ANTXR2: variants seen among roughly 807,000 people sequenced by gnomAD.
ANTXR2 encodes the protein anthrax toxin receptor 2.
In ANTXR2, 44 loss-of-function variants were observed where a neutral mutation model predicts 73.7. The ratio of observed to expected loss-of-function variants is 0.60; its 90% CI spans 0.47 to 0.77. ANTXR2 has a LOEUF of 0.77. ANTXR2 is among the 30% of genes least tolerant of loss of function. ANTXR2 has a pLI of 0.00. For missense variants in ANTXR2, 604 were observed against 592.5 expected (o/e 1.02, Z -0.20); for synonymous variants, 217 against 205.9 (o/e 1.05, Z -0.46).
intron 11 of ANTXR2, among the ~76,000 whole-genome samples, chr4:80,016,085 T>G (rs1490471176): frequency 6.6e-6 from 1 of 152,048 alleles, no homozygotes; most frequent in Non-Finnish European, 1.5e-5. Context: ...AAAGAACAAT[T>G]TTAAAATAAA....
chr4:79,920,988 A>G (rs1727571305), intron 16 of ANTXR2, among the ~76,000 whole-genome samples: 1 of 152,140 alleles, frequency 6.6e-6, no homozygotes. Context: ...ATGCATTTAG[A>G]AAAAAATCCA....
At chr4:80,058,256 T>G (rs571585348) in intron 3 of ANTXR2, among the ~76,000 whole-genome samples, 4 of 152,130 alleles carry the variant, frequency 2.6e-5, no homozygotes, top group African/African-American at 9.6e-5. Flanking sequence ...TTTTGTACAG[T>G]CAGGTATCTG....
chr4:79,981,861 T>G (rs1047411318), intron 14 of ANTXR2, among the ~76,000 whole-genome samples: 13 of 152,318 alleles, frequency 8.5e-5, no homozygotes, highest in Non-Finnish European at 1.8e-4. Flanking sequence ...GCTGCGGTTT[T>G]TCGTCACAAA....
intron 16 of ANTXR2, among the ~76,000 whole-genome samples, chr4:79,921,192 G>T (rs1205687162): frequency 6.6e-6 from 1 of 152,022 alleles, no homozygotes; most frequent in Non-Finnish European, 1.5e-5. Context: ...TAGAAAATTA[G>T]GCATTAAGAA....
chr4:80,070,375 A>G (rs1279629688), intron 2 of ANTXR2, among the ~76,000 whole-genome samples: 1 of 152,234 alleles, frequency 6.6e-6, no homozygotes, highest in African/African-American at 2.4e-5. Flanking sequence ...TTAAGATAAG[A>G]GCTTGCTTCT....
At chr4:79,959,661 A>G (rs913099233) in intron 16 of ANTXR2, among the ~76,000 whole-genome samples, 20 of 152,244 alleles carry the variant, frequency 1.3e-4, no homozygotes, top group African/African-American at 4.8e-4. Context: ...CAGTTTAGAT[A>G]CATCTGGTGA....
At chr4:80,059,094 T>C (rs1430339173) in intron 3 of ANTXR2, among the ~76,000 whole-genome samples, 6 of 152,244 alleles carry the variant, frequency 3.9e-5, no homozygotes, top group South Asian at 2.1e-4. Flanking sequence ...GTTATCATAG[T>C]GTTTCATCCC....
chr4:80,024,756 C>A, intron 10 of ANTXR2: 1 of 420,186 alleles, frequency 2.4e-6, no homozygotes, highest in Non-Finnish European at 4.7e-6. Context: ...GAGACCCCAC[C>A]TCAAAAAGAA....
intron 16 of ANTXR2, among the ~76,000 whole-genome samples, chr4:79,926,961 A>G (rs1333461874): frequency 8.8e-5 from 4 of 45,536 alleles, no homozygotes; most frequent in Non-Finnish European, 1.3e-4. Context: ...ATACGTGTGC[A>G]TATATGTGTA....
intron 10 of ANTXR2, among the ~76,000 whole-genome samples, chr4:80,030,568 T>C (rs1411189332): frequency 6.6e-6 from 1 of 152,106 alleles, no homozygotes; most frequent in African/African-American, 2.4e-5. Flanking sequence ...CTTAGTTTTG[T>C]AAGCCATCTT....
At chr4:79,995,684 C>A (rs180805565) in intron 12 of ANTXR2, among the ~76,000 whole-genome samples, 2 of 151,918 alleles carry the variant, frequency 1.3e-5, no homozygotes, top group African/African-American at 2.4e-5. Flanking sequence ...ATTATATTCA[C>A]CTTATTCCAG....
chr4:80,002,389 C>T lies in ANTXR2; in HGVS notation c.1041+6132G>A, dbSNP rs966587986. Among the ~76,000 whole-genome samples, 17 of 152,220 alleles carry T rather than the reference C, an allele frequency of 1.1e-4. 1 individual carries two copies. In the South Asian group the frequency reaches 2.1e-3, roughly 19 times the overall value. Reference sequence around the variant, plus strand: ...AAGCTGAAACTGGATCCCTTCCTTACACCTTATACAAAAATTAATTCAAGA... The same window carrying T: ...AAGCTGAAACTGGATCCCTTCCTTATACCTTATACAAAAATTAATTCAAGA... On this transcript the variant is annotated intron_variant, in intron 12 of 16. Transcript: ENST00000403729.
intron 16 of ANTXR2, among the ~76,000 whole-genome samples, chr4:79,913,731 T>C (rs1455923981): frequency 1.3e-5 from 2 of 152,090 alleles, no homozygotes; most frequent in Non-Finnish European, 2.9e-5. Context: ...AGGTCAATGG[T>C]TTTTTCATAG....
intron 16 of ANTXR2, among the ~76,000 whole-genome samples, chr4:79,919,865 TTATATATATATATATATATATATATA>T (rs869257072): frequency 3.4e-4 from 6 of 17,860 alleles, no homozygotes; most frequent in African/African-American, 4.3e-4. Context: ...AATACATATT[TTATATATATATATATATATATATATA>T]TATATATATA....
chr4:79,906,518 G>C lies in ANTXR2; in HGVS notation c.*911C>G, dbSNP rs1726916726. The C allele has an allele frequency of 6.6e-6, 1 of 152,554 alleles. No individual in the cohort carries two copies. The highest frequency in any genetic ancestry group is 2.4e-5 in the African/African-American group (1 of 41,430). The allele number at this position is 152,554 out of a possible 1,614,324, so 9.5% of individuals were successfully genotyped here. On this transcript the variant is annotated 3_prime_UTR_variant, in exon 17 of 17. Coordinates refer to ENST00000403729, the MANE Select transcript of ANTXR2 (RefSeq NM_058172.6). ...CCTGAGCGGAAGCTTTGTGGTTACTGCTTCCTTTAAATTAAAAGCAAAACA... is the reference window on the plus strand; with the variant it reads ...CCTGAGCGGAAGCTTTGTGGTTACTCCTTCCTTTAAATTAAAAGCAAAACA...
chr4:80,068,446 C>T (rs180901953), intron 3 of ANTXR2, among the ~76,000 whole-genome samples: 1 of 152,216 alleles, frequency 6.6e-6, no homozygotes, highest in Admixed American at 6.5e-5. Context: ...AATAAAAGCT[C>T]CCTCCCACTA....
rs1032715270 is a variant in ANTXR2 at position 80,072,506 on chromosome 4, G to A, written c.55C>T (p.Leu19=). The change falls in exon 1 of 17, where the codon CTG becomes TTG. Residue 19 remains leucine, a synonymous_variant. Coordinates refer to ENST00000403729, the MANE Select transcript of ANTXR2 (RefSeq NM_058172.6). ...GGACCGCTGAGCACCAACAGCCACA[G>A]CCCGGGGAACAGCCAGCTCCCGGGG... is the stretch of plus-strand genomic sequence containing the variant. ...RSPGSWLFPG[L]WLLVLSGPGG... is the part of the protein sequence containing the mutation. The A allele has an allele frequency of 6.2e-7, 1 of 1,605,504 alleles. No individual in the cohort carries two copies. Among genetic ancestry groups the A allele is most frequent in the African/African-American group, 1.3e-5 (1 of 74,246 alleles).
chr4:79,906,598 C>T lies in ANTXR2; in HGVS notation c.*831G>A, dbSNP rs1251655792. 1.3e-5 allele frequency: 2 copies of T among 152,536 alleles called. No individual in the cohort carries two copies. The highest frequency in any genetic ancestry group is 4.8e-5 in the African/African-American group (2 of 41,424). 9.4% of individuals were successfully genotyped at this position (152,536 alleles called of 1,614,324 possible). A position where few individuals can be genotyped will look rare whatever the true frequency, so the allele number is the denominator to read the frequency against. On this transcript the variant is annotated 3_prime_UTR_variant, in exon 17 of 17. Transcript: ENST00000403729. ...GCTTTATGCACTACTAAATCCTAAA[C>T]ACAGGAAAAGGGGGAATCTACTAGT...
intron 12 of ANTXR2, among the ~76,000 whole-genome samples, chr4:79,992,524 A>C (rs1347464380): frequency 1.3e-5 from 2 of 151,934 alleles, no homozygotes; most frequent in African/African-American, 4.8e-5. Context: ...ATAAAATTCC[A>C]GTAGATTTTG....
Sources: allele counts gnomAD v4.1 joint callset (sites outside exome capture counted in the v4.1 genomes callset), GRCh38; gene constraint gnomAD v4.1.1; transcripts MANE v1.5; gene names NCBI Gene and HGNC (gene_info 2026-07-23, HGNC 2026-07-21).